Variants in SYT10 observed in about 807,000 individuals in gnomAD.
SYT10 encodes the protein synaptotagmin 10, also known as synaptotagmin-10.
Under a neutral mutation model 51.1 loss-of-function variants are expected in SYT10, and 31 were observed. The observed-to-expected ratio is 0.61, with a 90% CI of 0.46 to 0.82. SYT10 has a LOEUF of 0.82. Among genes scored for constraint, SYT10 ranks in the 40% least tolerant of loss-of-function variants. SYT10 has a pLI of 0.00. For synonymous variants in SYT10, 233 were observed against 225.9 expected (o/e 1.03, Z -0.28); for missense variants, 603 against 634.0 (o/e 0.95, Z 0.53).
chr12:33,385,064 G>A (rs1307352126), intron 4 of SYT10, 107 bp downstream of exon 4: 2 of 1,318,698 alleles, frequency 1.5e-6, no homozygotes, highest in Non-Finnish European at 2.1e-6. Context: ...TTCTTTTGTA[G>A]TACTCCCATT....
At chr12:33,406,647 A>G (rs1440240507) in intron 3 of SYT10, 142 bp downstream of exon 3, 1 of 700,210 alleles carries the variant, frequency 1.4e-6, no homozygotes, top group Non-Finnish European at 2.3e-6. Context: ...TATTATTAGT[A>G]GAAATGAAAT....
intron 3 of SYT10, among the ~76,000 whole-genome samples, chr12:33,402,461 T>C (rs1591988385): frequency 6.6e-6 from 1 of 152,348 alleles, no homozygotes; most frequent in Non-Finnish European, 1.5e-5. Flanking sequence ...AAATTGTGTG[T>C]GTAGACAAGA....
intron 1 of SYT10, among the ~76,000 whole-genome samples, chr12:33,436,391 A>G (rs996358216): frequency 6.6e-5 from 10 of 152,198 alleles, no homozygotes; most frequent in African/African-American, 2.4e-4. Context: ...CTGATATTCT[A>G]AAAAGTGCAC....
chr12:33,394,783 C>T lies in SYT10; in HGVS notation c.1078-9492G>A, dbSNP rs568416395. On this transcript the variant is annotated intron_variant, in intron 3 of 6. Coordinates refer to ENST00000228567, the MANE Select transcript of SYT10 (RefSeq NM_198992.4). ...TGTACTTTCGTACTTTACTCTGTGG[C>T]TTTACCTAATAGAAATAGTGCTTAC... Among the ~76,000 whole-genome samples, 5 of 152,276 alleles carry T rather than the reference C, an allele frequency of 3.3e-5. No homozygotes were observed. In the South Asian group the frequency reaches 1.0e-3, roughly 32 times the overall value.
chr12:33,388,560 T>C (rs1175265509), intron 3 of SYT10, among the ~76,000 whole-genome samples: 8 of 152,214 alleles, frequency 5.3e-5, no homozygotes, highest in Non-Finnish European at 5.9e-5. Context: ...CAGTATTCCA[T>C]AAAATTTATT....
intron 2 of SYT10, among the ~76,000 whole-genome samples, chr12:33,412,222 A>G (rs1020270841): frequency 1.8e-5 from 2 of 113,408 alleles, no homozygotes; most frequent in African/African-American, 8.0e-5. Context: ...ATATTTTTGC[A>G]GCTGTAAAGT....
chr12:33,382,979 C>T (rs1866128695), intron 4 of SYT10, among the ~76,000 whole-genome samples: 1 of 152,102 alleles, frequency 6.6e-6, no homozygotes, highest in South Asian at 2.1e-4. Context: ...CAAAAAGAAG[C>T]CTCCTGATAT....
chr12:33,402,970 T>C (rs1866319216), intron 3 of SYT10, among the ~76,000 whole-genome samples: 1 of 152,068 alleles, frequency 6.6e-6, no homozygotes, highest in Admixed American at 6.6e-5. Flanking sequence ...AAGCAAGTCT[T>C]AATGATTCTG....
chr12:33,433,397 C>T (rs1866612485), intron 1 of SYT10, among the ~76,000 whole-genome samples: 1 of 151,998 alleles, frequency 6.6e-6, no homozygotes, highest in South Asian at 2.1e-4. Flanking sequence ...ATACAGCACA[C>T]AAGATTTTAA....
chr12:33,425,527 A>G (rs1459123300), intron 2 of SYT10, among the ~76,000 whole-genome samples: 6 of 152,100 alleles, frequency 3.9e-5, no homozygotes, highest in African/African-American at 1.4e-4. Flanking sequence ...CTTTTAATGT[A>G]CACTCCTCCA....
At position 33,439,539 on chromosome 12, in the gene SYT10, C is replaced by T. The variant is rs200239253; in HGVS notation, c.-17G>A. 6.2e-7 allele frequency: 1 copy of T among 1,610,820 alleles called. No homozygotes were observed. The highest frequency in any genetic ancestry group is 8.5e-7 in the Non-Finnish European group (1 of 1,177,780). On this transcript the variant is annotated 5_prime_UTR_variant, in exon 1 of 7. Coordinates refer to ENST00000228567, the MANE Select transcript of SYT10 (RefSeq NM_198992.4). ...GAAACTCATCGTTTGGCTTTTCTTT[C>T]GTTTTCTCTTTTTTTCCCAGTTAGC... is the stretch of plus-strand genomic sequence containing the variant.
In SYT10 at chr12:33,385,243, TC is replaced by T; in HGVS notation, c.1125del (p.Thr376ArgfsTer5). The T allele has an allele frequency of 6.2e-7, 1 of 1,613,746 alleles. No individual in the cohort carries two copies. The highest frequency in any genetic ancestry group is 8.5e-7 in the Non-Finnish European group (1 of 1,179,804). On this transcript the variant is annotated frameshift_variant, in exon 4 of 7. Coordinates refer to ENST00000228567, the MANE Select transcript of SYT10 (RefSeq NM_198992.4). LOFTEE classifies it high-confidence loss of function. ...GEIMFSLCYL[P>X]TAGRMTLTVI... The stretch of plus-strand genomic sequence containing the variant: ...ACTGTCAATGTCATACGCCCAGCCG[TC>T]GGTAGGTAACAAAGGGAAAACATGA...
chr12:33,439,328 G>GACC (rs756637548), intron 1 of SYT10, 44 bp downstream of exon 1: 2 of 1,586,340 alleles, frequency 1.3e-6, no homozygotes, highest in Non-Finnish European at 1.7e-6. Flanking sequence ...AGCGCGCGGG[G>GACC]TCCCAGCGGA....
intron 2 of SYT10, among the ~76,000 whole-genome samples, chr12:33,415,176 C>G (rs1866442365): frequency 6.6e-6 from 1 of 152,206 alleles, no homozygotes; most frequent in Admixed American, 6.5e-5. Flanking sequence ...CATCACTTAA[C>G]TTGTTTGAAC....
intron 2 of SYT10, among the ~76,000 whole-genome samples, chr12:33,417,672 T>C (rs10844591): frequency 0.13 from 20,242 of 151,718 alleles, 1,553 homozygotes; most frequent in African/African-American, 0.19. Flanking sequence ...TCCATGAGAG[T>C]TGTTTATATT....
rs1439421170 is a variant in SYT10 at position 33,375,889 on chromosome 12, T to C, written c.*941A>G. The C allele has an allele frequency of 2.0e-5, 3 of 152,538 alleles. No homozygotes were observed. The highest frequency in any genetic ancestry group is 7.2e-5 in the African/African-American group (3 of 41,428). The allele number at this position is 152,538 out of a possible 1,614,324, so 9.4% of individuals were successfully genotyped here. On this transcript the variant is annotated 3_prime_UTR_variant, in exon 7 of 7. Transcript: ENST00000228567. ...AGTGTTGTTGTTCCTTTGGTGTCTG[T>C]TAGTATGGTCTATCAGAAATACAGG...
At chr12:33,406,630 C>T (rs1333383728) in intron 3 of SYT10, among the ~76,000 whole-genome samples, 159 bp downstream of exon 3, 1 of 152,066 alleles carries the variant, frequency 6.6e-6, no homozygotes, top group Non-Finnish European at 1.5e-5. Flanking sequence ...GCATTAGGTG[C>T]CTGAATTATT....
rs185347544 is a variant in SYT10 at position 33,422,788 on chromosome 12, A to G, written c.509+3350T>C. Among the ~76,000 whole-genome samples, 582 of 152,074 alleles carry G rather than the reference A, an allele frequency of 3.8e-3. 4 individuals are homozygous for G. The highest frequency in any genetic ancestry group is 0.016 in the South Asian group (77 of 4,822). ...TGCCTTAGCTGGAAATAATGTCTCA[A>G]TGTTCTGAATTCCACATTCTCCATC... is the stretch of plus-strand genomic sequence containing the variant. On this transcript the variant is annotated intron_variant, in intron 2 of 6. Transcript: ENST00000228567.
intron 2 of SYT10, 46 bp downstream of exon 2, chr12:33,426,092 A>ACACACACG (rs375466244): frequency 1.3e-5 from 20 of 1,498,060 alleles, no homozygotes; most frequent in Middle Eastern, 1.8e-4. Flanking sequence ...ACACACACAC[A>ACACACACG]CACACACGCA....
Sources: allele counts gnomAD v4.1 joint callset (sites outside exome capture counted in the v4.1 genomes callset), GRCh38; gene constraint gnomAD v4.1.1; transcripts MANE v1.5; gene names NCBI Gene and HGNC (gene_info 2026-07-23, HGNC 2026-07-21).